The following LAIR2 variants were observed in gnomAD, a reference collection of about 807,000 sequenced individuals.
LAIR2 encodes leukocyte-associated immunoglobulin-like receptor 2.
Under a neutral mutation model 14.8 loss-of-function variants are expected in LAIR2, and 14 were observed. The observed-to-expected ratio is 0.95, with a 90% CI of 0.62 to 1.48. The LOEUF (loss-of-function observed/expected upper bound fraction) is 1.48. Among genes scored for constraint, LAIR2 ranks in the 40% most tolerant of loss-of-function variants. The probability of loss-of-function intolerance (pLI) is 0.00; values close to 1 mark genes in which losing one functional copy is unlikely to be tolerated. For synonymous variants in LAIR2, 75 were observed against 74.5 expected (o/e 1.01, Z -0.03); for missense variants, 172 against 180.9 (o/e 0.95, Z 0.28).
At position 54,508,135 on chromosome 19, in the gene LAIR2, GC is replaced by G; in HGVS notation, c.320del (p.Pro107LeufsTer14). ...GGCTTTATCGCTGCCTCTATTATAA[GC>G]CCCCTGGATGGTCTGAGCACAGTGA... is the stretch of plus-strand genomic sequence containing the variant. ...AGLYRCLYYKPPGWSEHSDFL... is the reference protein window; with the variant it reads ...AGLYRCLYYKXPGWSEHSDFL... On this transcript the variant is annotated frameshift_variant, in exon 3 of 5. Transcript: ENST00000301202. LOFTEE classifies it high-confidence loss of function. The G allele has an allele frequency of 6.2e-7, 1 of 1,613,996 alleles. No homozygotes were observed. The highest frequency in any genetic ancestry group is 8.5e-7 in the Non-Finnish European group (1 of 1,180,018).
intron 2 of LAIR2, among the ~76,000 whole-genome samples, chr19:54,503,964 A>G (rs2085321114): frequency 6.6e-6 from 1 of 151,540 alleles, no homozygotes; most frequent in Non-Finnish European, 1.5e-5. Context: ...ATTTTATTTT[A>G]TTTTTATTTT....
chr19:54,506,793 T>G (rs1416996688), intron 2 of LAIR2, among the ~76,000 whole-genome samples: 1 of 152,184 alleles, frequency 6.6e-6, no homozygotes, highest in Non-Finnish European at 1.5e-5. Flanking sequence ...TGGGTGGGTT[T>G]GGGGAGATGC....
At chr19:54,503,563 A>T in intron 1 of LAIR2, 137 bp from the exon 2 acceptor site, 1 of 974,786 alleles carries the variant, frequency 1.0e-6, no homozygotes. Flanking sequence ...TTACATGGAG[A>T]CAGTGATGTC....
chr19:54,509,845 G>C (rs540489979), intron 4 of LAIR2, among the ~76,000 whole-genome samples: 2,423 of 150,220 alleles, frequency 0.016, no homozygotes, highest in African/African-American at 0.056. Flanking sequence ...GTCCATCTCC[G>C]CCTGTGATCT....
In LAIR2 at chr19:54,503,727, C is replaced by T. The variant is rs202049649; in HGVS notation, c.62C>T (p.Thr21Met). The T allele has an allele frequency of 6.2e-5, 100 of 1,614,032 alleles. No individual in the cohort carries two copies. The highest frequency in any genetic ancestry group is 4.9e-4 in the East Asian group (22 of 44,860). The stretch of plus-strand genomic sequence containing the variant: ...CTCTGCCTGGCCCAGACCATCCACA[C>T]GCAGGAGGGTAAGTCATGCCTTCGT... ...LVLCLAQTIH[T>M]QEGALPRPSI... The change falls in exon 2 of 5, where the codon ACG becomes ATG. Residue 21 changes from threonine (T) to methionine (M), a missense_variant. By Grantham distance (81) the Thr-to-Met change is moderately conservative. Around this residue, in one of 2 missense-constraint regions of LAIR2, gnomAD observed 161 missense variants for 149.0 expected, o/e 1.08. Transcript: ENST00000301202.
At chr19:54,509,940 G>A (rs923525190) in intron 4 of LAIR2, among the ~76,000 whole-genome samples, 4 of 149,706 alleles carry the variant, frequency 2.7e-5, no homozygotes, top group East Asian at 3.9e-4. Flanking sequence ...CCCAGAGTAC[G>A]TCCTTGGACC....
chr19:54,503,413 G>A (rs372253822), intron 1 of LAIR2, among the ~76,000 whole-genome samples: 58 of 151,896 alleles, frequency 3.8e-4, no homozygotes, highest in African/African-American at 1.4e-3. Flanking sequence ...AGCTAAGATC[G>A]CGCCACTGCA....
Position 54,502,957 on chromosome 19 carries a change from G to C in LAIR2, c.34+5G>C, listed in dbSNP as rs1469582759. On this transcript the variant is annotated splice_donor_5th_base_variant and intron_variant, in intron 1 of 4. Coordinates refer to ENST00000301202, the MANE Select transcript of LAIR2 (RefSeq NM_002288.6). ...TCACTGCTCTCCTGGGCCTAGGTGA[G>C]TCCTGGAGGGAGCGGGAAGGACTGG... 8 of 1,612,056 alleles carry C rather than the reference G, an allele frequency of 5.0e-6. No homozygotes were observed. The highest frequency in any genetic ancestry group is 6.8e-6 in the Non-Finnish European group (8 of 1,179,110).
intron 2 of LAIR2, 130 bp from the exon 3 acceptor site, chr19:54,507,761 T>C (rs1306864312): frequency 9.7e-6 from 8 of 825,352 alleles, no homozygotes; most frequent in Non-Finnish European, 1.6e-5. Context: ...TGTTCTAAGG[T>C]TGGGCTGTGG....
At chr19:54,506,837 G>A (rs1196260500) in intron 2 of LAIR2, among the ~76,000 whole-genome samples, 3 of 152,236 alleles carry the variant, frequency 2.0e-5, no homozygotes, top group Non-Finnish European at 4.4e-5. Flanking sequence ...TCTAGACAGG[G>A]AGAGTAAGTT....
At chr19:54,506,318 G>A (rs1187282357) in intron 2 of LAIR2, among the ~76,000 whole-genome samples, 1 of 152,136 alleles carries the variant, frequency 6.6e-6, no homozygotes, top group Non-Finnish European at 1.5e-5. Context: ...GATTAGCAAT[G>A]TCCAATAATG....
intron 1 of LAIR2, 21 bp downstream of exon 1, chr19:54,502,973 G>C: frequency 6.2e-7 from 1 of 1,605,780 alleles, no homozygotes; most frequent in East Asian, 2.2e-5. Context: ...GAGGGAGCGG[G>C]AAGGACTGGA....
chr19:54,508,020 A>T lies in LAIR2; in HGVS notation c.200A>T (p.Lys67Met). 1 of 1,614,178 alleles carries T rather than the reference A, an allele frequency of 6.2e-7. No individual in the cohort carries two copies. Among genetic ancestry groups the T allele is most frequent in the Non-Finnish European group, 8.5e-7 (1 of 1,180,024 alleles). Residue 67 changes from lysine (K) to methionine (M), a missense_variant, in exon 3 of 5, where the codon AAG becomes ATG. By Grantham distance (95) the Lys-to-Met change is moderately conservative. Transcript: ENST00000301202. ...TFRLEREDRAKYKDSYNVFRL... is the reference protein window; with the variant it reads ...TFRLEREDRAMYKDSYNVFRL... ...CGCCTGGAGAGGGAGGATAGAGCCA[A>T]GTACAAAGATAGTTATAATGTGTTT... is the stretch of plus-strand genomic sequence containing the variant.
At chr19:54,503,314 C>T (rs1239865019) in intron 1 of LAIR2, among the ~76,000 whole-genome samples, 11 of 151,946 alleles carry the variant, frequency 7.2e-5, no homozygotes, top group East Asian at 1.9e-4. Flanking sequence ...AAAAATTAGC[C>T]GGGCATGGTG....
chr19:54,503,497 T>G (rs1394362890), intron 1 of LAIR2, among the ~76,000 whole-genome samples: 2 of 152,118 alleles, frequency 1.3e-5, no homozygotes, highest in Non-Finnish European at 2.9e-5. Context: ...AGCAGGAGCC[T>G]TTTTGGAAGA....
At chr19:54,505,263 C>T (rs1189827500) in intron 2 of LAIR2, among the ~76,000 whole-genome samples, 2 of 152,122 alleles carry the variant, frequency 1.3e-5, no homozygotes, top group African/African-American at 4.8e-5. Context: ...CCACACTTCA[C>T]TCGGCAGCTT....
chr19:54,510,666 A>G lies in LAIR2; in HGVS notation c.*97A>G, dbSNP rs2085453856. 3 of 1,402,958 alleles carry G rather than the reference A, an allele frequency of 2.1e-6. No homozygotes were observed. In the African/African-American group the frequency reaches 4.2e-5, roughly 20 times the overall value. The allele number at this position is 1,402,958 out of a possible 1,614,324, so 86.9% of individuals were successfully genotyped here. A position where few individuals can be genotyped will look rare whatever the true frequency, so the allele number is the denominator to read the frequency against. The stretch of plus-strand genomic sequence containing the variant: ...ACAGATGCCTATACATACATATACA[A>G]ATAAAAAGATACGATTCGCAATGGA... On this transcript the variant is annotated 3_prime_UTR_variant, in exon 5 of 5. Transcript: ENST00000301202.
Position 54,508,013 on chromosome 19 carries a change from A to G in LAIR2, c.193A>G (p.Arg65Gly). The G allele has an allele frequency of 6.2e-7, 1 of 1,614,196 alleles. No homozygotes were observed. Among genetic ancestry groups the G allele is most frequent in the Non-Finnish European group, 8.5e-7 (1 of 1,180,024 alleles). The change falls in exon 3 of 5, where the codon AGA becomes GGA. Residue 65 changes from arginine to glycine, a missense_variant. Arg to Gly is a moderately radical substitution (Grantham distance 125, BLOSUM62 -2). Transcript: ENST00000301202. Reference protein sequence around the residue: ...VQTFRLEREDRAKYKDSYNVF... With the variant: ...VQTFRLEREDGAKYKDSYNVF... ...AACATTCCGCCTGGAGAGGGAGGAT[A>G]GAGCCAAGTACAAAGATAGTTATAA...
rs1322068564 is a variant in LAIR2, at chr19:54,510,687, A to G, written c.*118A>G. On this transcript the variant is annotated 3_prime_UTR_variant, in exon 5 of 5. Coordinates refer to ENST00000301202, the MANE Select transcript of LAIR2 (RefSeq NM_002288.6). ...TACAAATAAAAAGATACGATTCGCAATGGAGAATTTCAGACCTATCATTTC... is the reference window on the plus strand; with the variant it reads ...TACAAATAAAAAGATACGATTCGCAGTGGAGAATTTCAGACCTATCATTTC... 5.0e-6 allele frequency: 6 copies of G among 1,209,704 alleles called. No individual in the cohort carries two copies. The highest frequency in any genetic ancestry group is 3.0e-5 in the African/African-American group (2 of 67,100). The allele number at this position is 1,209,704 out of a possible 1,614,324, so 74.9% of individuals were successfully genotyped here. A position where few individuals can be genotyped will look rare whatever the true frequency, so the allele number is the denominator to read the frequency against.
Sources: allele counts gnomAD v4.1 joint callset (sites outside exome capture counted in the v4.1 genomes callset), GRCh38; gene constraint gnomAD v4.1.1; regional missense constraint gnomAD v4.1.1; transcripts MANE v1.5; gene names NCBI Gene and HGNC (gene_info 2026-07-23, HGNC 2026-07-21).